The following EIF4G3 variants were observed in gnomAD, a reference collection of about 807,000 sequenced individuals.
The protein encoded by EIF4G3 is eIF-4-gamma 3.
A neutral mutation model predicts 186.4 loss-of-function variants in EIF4G3; 34 were observed. The observed-to-expected ratio is 0.18, with a 90% CI of 0.14 to 0.24. The LOEUF (loss-of-function observed/expected upper bound fraction) is 0.24, where lower values mean the gene tolerates loss of function less well. EIF4G3 is among the 10% of genes least tolerant of loss of function. The probability of loss-of-function intolerance (pLI) is 1.00; values close to 1 mark genes in which losing one functional copy is unlikely to be tolerated. For synonymous variants in EIF4G3, 673 were observed against 679.5 expected, an observed-to-expected ratio of 0.99 and a Z score of 0.15; for missense variants, 1,536 against 1,948.5, an observed-to-expected ratio of 0.79 and a Z score of 3.99.
At chr1:21,021,701 G>A (rs1279263312) in intron 4 of EIF4G3, among the ~76,000 whole-genome samples, 4 of 152,026 alleles carry the variant, frequency 2.6e-5, no homozygotes, top group Non-Finnish European at 4.4e-5. Context: ...GACTACAGGC[G>A]CGCAGCACAA....
chr1:20,955,937 T>A (rs1450884497), intron 12 of EIF4G3, among the ~76,000 whole-genome samples: 3 of 152,126 alleles, frequency 2.0e-5, no homozygotes, highest in African/African-American at 7.2e-5. Context: ...AGAGATCAAG[T>A]CAAAAATTGG....
intron 14 of EIF4G3, 22 bp from the exon 15 acceptor site, chr1:20,904,993 A>T: frequency 6.4e-7 from 1 of 1,572,020 alleles, no homozygotes; most frequent in Non-Finnish European, 8.7e-7. Context: ...GATCAGGCCC[A>T]TTACTTGCCA....
chr1:20,939,588 T>C (rs1339281298), intron 14 of EIF4G3, among the ~76,000 whole-genome samples: 1 of 152,208 alleles, frequency 6.6e-6, no homozygotes, highest in Non-Finnish European at 1.5e-5. Flanking sequence ...TTTTGATGCA[T>C]GGTCTTTTCA....
At position 20,829,159 on chromosome 1, in the gene EIF4G3, C is replaced by G. The variant is rs370204664; in HGVS notation, c.4175G>C (p.Arg1392Thr). 6.2e-7 allele frequency: 1 copy of G among 1,613,678 alleles called. No homozygotes were observed. Among genetic ancestry groups the G allele is most frequent in the African/African-American group, 1.3e-5 (1 of 74,882 alleles). The change falls in exon 31 of 37, where the codon AGA becomes ACA. Residue 1392 changes from arginine to threonine, a missense_variant. Transcript: ENST00000602326. ...AAGTATAACTTACATGGTAAGTTCT[C>G]TCATGGAGATTCCACCTTCTTTTAA... ...PMLKEGGISM[R>T]ELTIEFSKPL... is the part of the protein sequence containing the mutation.
Position 20,865,793 on chromosome 1 carries a change from C to G in EIF4G3, c.2623-531G>C, listed in dbSNP as rs528394185. ...GGAATGTCATAATGTTAGCACTTAC[C>G]TTGACTATAAATATAGTATGTTTAC... On this transcript the variant is annotated intron_variant, in intron 20 of 36. Coordinates refer to ENST00000602326, the MANE Select transcript of EIF4G3 (RefSeq NM_001391906.1). Among the ~76,000 whole-genome samples, 332 of 152,090 alleles carry G rather than the reference C, an allele frequency of 2.2e-3. 2 individuals are homozygous for G. Among genetic ancestry groups the G allele is most frequent in the Non-Finnish European group, 3.9e-3 (266 of 67,990 alleles).
rs1351218642 is a variant in EIF4G3, at chr1:21,151,285, C to T, written c.-272+24890G>A. On this transcript the variant is annotated intron_variant, in intron 2 of 36. Transcript: ENST00000602326. ...ATGGAGTCTCGCTTTGTCACCCAGGCTGGAGTGCAGTGGCACGATCTCGGC... is the reference window on the plus strand; with the variant it reads ...ATGGAGTCTCGCTTTGTCACCCAGGTTGGAGTGCAGTGGCACGATCTCGGC... Among the ~76,000 whole-genome samples the T allele has an allele frequency of 4.5e-5, 6 of 134,592 alleles. No individual in the cohort carries two copies. In the East Asian group the frequency reaches 1.4e-3, roughly 31 times the overall value. 88.3% of individuals were successfully genotyped at this position (134,592 alleles called of 152,430 possible). A position where few individuals can be genotyped will look rare whatever the true frequency, so the allele number is the denominator to read the frequency against.
chr1:21,012,503 T>G (rs912847229), intron 4 of EIF4G3, among the ~76,000 whole-genome samples: 1 of 152,120 alleles, frequency 6.6e-6, no homozygotes, highest in African/African-American at 2.4e-5. Context: ...GATAACAGAC[T>G]ACGATGATCC....
intron 29 of EIF4G3, 77 bp downstream of exon 29, chr1:20,849,338 G>T: frequency 2.8e-6 from 2 of 724,838 alleles, no homozygotes; most frequent in Non-Finnish European, 4.3e-6. Flanking sequence ...AATGACACCT[G>T]ATTTAGACCA....
rs114089914 is a variant in EIF4G3 at position 20,867,632 on chromosome 1, G to C, written c.2623-2370C>G. On this transcript the variant is annotated intron_variant, in intron 20 of 36. Transcript: ENST00000602326. ...ACAGTAAGGGCCCAATAAACAACTA[G>C]TATGGCTATATTAAACACTTCATTT... Among the ~76,000 whole-genome samples the C allele has an allele frequency of 2.1e-3, 317 of 152,248 alleles. No homozygotes were observed. In the Middle Eastern group the frequency reaches 0.027, roughly 13 times the overall value.
intron 29 of EIF4G3, among the ~76,000 whole-genome samples, chr1:20,846,086 G>C (rs1425874190): frequency 1.3e-5 from 2 of 152,114 alleles, no homozygotes; most frequent in African/African-American, 2.4e-5. Flanking sequence ...GAGTTCACTG[G>C]AGATTTGGCT....
At chr1:21,111,919 GCTTTT>G (rs2096733647) in intron 2 of EIF4G3, among the ~76,000 whole-genome samples, 1 of 152,126 alleles carries the variant, frequency 6.6e-6, no homozygotes, top group African/African-American at 2.4e-5. Context: ...AGAGAAAACT[GCTTTT>G]CTTACATCTA....
intron 2 of EIF4G3, among the ~76,000 whole-genome samples, chr1:21,097,410 T>C (rs2096401034): frequency 6.6e-6 from 1 of 152,202 alleles, no homozygotes; most frequent in Admixed American, 6.5e-5. Flanking sequence ...TTGTTCACAA[T>C]CCAGATAGGA....
intron 10 of EIF4G3, among the ~76,000 whole-genome samples, chr1:20,977,913 C>A (rs115794197): frequency 6.6e-6 from 1 of 152,068 alleles, no homozygotes; most frequent in Non-Finnish European, 1.5e-5. Flanking sequence ...TTAATGATGA[C>A]ATTTTCTGAG....
At chr1:20,847,349 A>G (rs534981253) in intron 29 of EIF4G3, among the ~76,000 whole-genome samples, 1 of 152,322 alleles carries the variant, frequency 6.6e-6, no homozygotes, top group African/African-American at 2.4e-5. Flanking sequence ...GCACAATGAA[A>G]TTCTAAAGAT....
chr1:21,071,238 C>G (rs1451609141), intron 3 of EIF4G3, among the ~76,000 whole-genome samples: 4 of 152,240 alleles, frequency 2.6e-5, no homozygotes, highest in South Asian at 4.1e-4. Flanking sequence ...GATCCTGTCA[C>G]TACAGAAAAT....
intron 15 of EIF4G3, among the ~76,000 whole-genome samples, chr1:20,901,041 G>GT (rs910419906): frequency 6.6e-6 from 1 of 152,040 alleles, no homozygotes; most frequent in Non-Finnish European, 1.5e-5. Context: ...GAAACAGATG[G>GT]TTTTTAGACT....
At chr1:21,119,324 G>GA (rs1036823065) in intron 2 of EIF4G3, among the ~76,000 whole-genome samples, 14 of 144,754 alleles carry the variant, frequency 9.7e-5, no homozygotes, top group South Asian at 4.4e-4. Flanking sequence ...AATAAAAGGG[G>GA]AAAAAAAAAA....
chr1:20,807,616 G>T (rs1450712768), intron 36 of EIF4G3, 116 bp from the exon 37 acceptor site: 9 of 910,570 alleles, frequency 9.9e-6, no homozygotes, highest in South Asian at 3.0e-5. Context: ...CCAGAAAAAA[G>T]CAATAATGAC....
chr1:20,813,128 T>C (rs757121193), intron 35 of EIF4G3, 30 bp downstream of exon 35: 1 of 1,469,906 alleles, frequency 6.8e-7, no homozygotes, highest in Non-Finnish European at 9.5e-7. Flanking sequence ...ATTTCAGATG[T>C]TATGAGCTGC....
Sources: allele counts gnomAD v4.1 joint callset (sites outside exome capture counted in the v4.1 genomes callset), GRCh38; gene constraint gnomAD v4.1.1; transcripts MANE v1.5; gene names NCBI Gene and HGNC (gene_info 2026-07-23, HGNC 2026-07-21).